Variants in CRTC1 observed in about 807,000 individuals in gnomAD.
CRTC1 encodes the protein CREB regulated transcription coactivator 1.
CRTC1 carries 18 observed loss-of-function variants against 66.1 expected under a neutral mutation model. The observed-to-expected ratio is 0.27, with a 90% confidence interval of 0.19 to 0.40. CRTC1 has a LOEUF of 0.40. CRTC1 is among the 10% of genes least tolerant of loss of function. The pLI is 1.00. For missense variants in CRTC1, 669 were observed against 887.9 expected, an observed-to-expected ratio of 0.75 and a Z score of 3.13; for synonymous variants, 416 against 398.8, an observed-to-expected ratio of 1.04 and a Z score of -0.51.
At chr19:18,715,381 C>G (rs2053484082) in intron 1 of CRTC1, among the ~76,000 whole-genome samples, 1 of 152,218 alleles carries the variant, frequency 6.6e-6, no homozygotes. Flanking sequence ...GTGCACGACA[C>G]CACGCCTGGC....
chr19:18,765,222 G>A (rs547739438), intron 8 of CRTC1, among the ~76,000 whole-genome samples, 182 bp from the exon 9 acceptor site: 1 of 152,356 alleles, frequency 6.6e-6, no homozygotes, highest in Admixed American at 6.5e-5. Context: ...AGGACTGTGG[G>A]ACCCTCGGGT....
chr19:18,768,485 G>A lies in CRTC1; in HGVS notation c.1012G>A (p.Ala338Thr). Residue 338 changes from alanine to threonine, a missense_variant and splice_region_variant, in exon 10 of 14, where the codon GCT becomes ACT. This residue lies in a region of CRTC1 where 241 missense variants were observed against 242.2 expected (regional missense o/e 0.99). Transcript: ENST00000321949. This position sits in a 1 kb window ranked among gnomAD's most constrained non-coding sequence, Gnocchi z 5.6. ...TLSPLSPITQAVAMDALSLEQ... is the reference protein window; with the variant it reads ...TLSPLSPITQTVAMDALSLEQ... ...TGCCTGACGCTCTCCTCTCCTGCAG[G>A]CTGTAGCCATGGACGCCCTGTCTCT... 6.2e-7 allele frequency: 1 copy of A among 1,608,582 alleles called. No homozygotes were observed. Among genetic ancestry groups the A allele is most frequent in the Non-Finnish European group, 8.5e-7 (1 of 1,179,118 alleles).
At chr19:18,683,885 G>C (rs1293178121) in intron 1 of CRTC1, 57 bp downstream of exon 1, 2 of 894,020 alleles carry the variant, frequency 2.2e-6, no homozygotes, top group African/African-American at 1.9e-5. Context: ...GAGGGGGCGC[G>C]TGTCCGGCGC....
chr19:18,752,951 G>A (rs1038003677), intron 5 of CRTC1, among the ~76,000 whole-genome samples: 5 of 150,652 alleles, frequency 3.3e-5, no homozygotes, highest in Non-Finnish European at 5.9e-5. Flanking sequence ...TTTTTCTTAA[G>A]TCACAGATTC....
intron 6 of CRTC1, among the ~76,000 whole-genome samples, chr19:18,757,321 CCCAT>C (rs1297233439): frequency 6.6e-6 from 1 of 152,076 alleles, no homozygotes; most frequent in East Asian, 1.9e-4. Context: ...CTGCAGTGAT[CCCAT>C]GTCTTGGCTG....
At chr19:18,684,127 C>T (rs376800654) in intron 1 of CRTC1, among the ~76,000 whole-genome samples, 1 of 151,946 alleles carries the variant, frequency 6.6e-6, no homozygotes, top group Non-Finnish European at 1.5e-5. Context: ...GGTGCTAGTA[C>T]CTCGTCGTTA....
At position 18,777,462 on chromosome 19, in the gene CRTC1, C is replaced by CCAACGGCCGAGCTTGTGATTCTGAGCTTG. The variant is rs774274325; in HGVS notation, c.*84_*112dup. The CCAACGGCCGAGCTTGTGATTCTGAGCTTG allele has an allele frequency of 2.3e-6, 3 of 1,309,134 alleles. No homozygotes were observed. In the East Asian group the frequency reaches 6.9e-5, roughly 30 times the overall value. The allele number at this position is 1,309,134 out of a possible 1,614,324, so 81.1% of individuals were successfully genotyped here. A position where few individuals can be genotyped will look rare whatever the true frequency, so the allele number is the denominator to read the frequency against. ...GGGGACGGCCGTGCTCCGTCCCTCGCCAACGGCCGAGCTTGTGATTCTGAG... is the reference window on the plus strand; with the variant it reads ...GGGGACGGCCGTGCTCCGTCCCTCGCCAACGGCCGAGCTTGTGATTCTGAGCTTGCAACGGCCGAGCTTGTGATTCTGAG... On this transcript the variant is annotated 3_prime_UTR_variant, in exon 14 of 14. Coordinates refer to ENST00000321949, the MANE Select transcript of CRTC1 (RefSeq NM_015321.3). This position sits in a 1 kb window ranked among gnomAD's most constrained non-coding sequence, Gnocchi z 5.5.
chr19:18,729,208 G>A (rs1294832703), intron 1 of CRTC1, among the ~76,000 whole-genome samples: 1 of 149,282 alleles, frequency 6.7e-6, no homozygotes, highest in Admixed American at 6.6e-5. Flanking sequence ...GGCGGATCAC[G>A]AGGTCAGGAG....
chr19:18,693,541 G>GC, intron 1 of CRTC1, among the ~76,000 whole-genome samples: 1 of 149,824 alleles, frequency 6.7e-6, no homozygotes, highest in African/African-American at 2.5e-5. Flanking sequence ...GAGTGCAGCG[G>GC]TGTGATCTCA....
At chr19:18,737,401 C>G (rs1414468600) in intron 1 of CRTC1, among the ~76,000 whole-genome samples, 1 of 152,096 alleles carries the variant, frequency 6.6e-6, no homozygotes, top group Non-Finnish European at 1.5e-5. Flanking sequence ...AAGCTCTCAT[C>G]TGAGATCGGG....
In CRTC1 at chr19:18,780,499, A is replaced by G. The variant is rs1025733499; in HGVS notation, c.*3117A>G. The G allele has an allele frequency of 8.7e-6, 2 of 230,794 alleles. No homozygotes were observed. The highest frequency in any genetic ancestry group is 4.4e-5 in the African/African-American group (2 of 45,132). The allele number at this position is 230,794 out of a possible 1,614,324, so 14.3% of individuals were successfully genotyped here. ...CTCTGGGGAGGAGAGTGTTGGCATC[A>G]GTGTGTTTGGCCTGATTTCTTCAGG... On this transcript the variant is annotated 3_prime_UTR_variant, in exon 14 of 14. Coordinates refer to ENST00000321949, the MANE Select transcript of CRTC1 (RefSeq NM_015321.3).
intron 1 of CRTC1, among the ~76,000 whole-genome samples, chr19:18,723,742 T>C (rs1248375005): frequency 1.3e-5 from 2 of 152,310 alleles, no homozygotes; most frequent in East Asian, 1.9e-4. Flanking sequence ...TGTGTTTCGA[T>C]GTGGTCAGAT....
At chr19:18,687,934 C>G (rs536200656) in intron 1 of CRTC1, among the ~76,000 whole-genome samples, 1 of 152,052 alleles carries the variant, frequency 6.6e-6, no homozygotes, top group African/African-American at 2.4e-5. Flanking sequence ...CTGTCTATGG[C>G]GCTCTGCTGT....
intron 4 of CRTC1, among the ~76,000 whole-genome samples, chr19:18,747,969 C>T (rs1016415092): frequency 3.9e-5 from 6 of 152,024 alleles, no homozygotes; most frequent in Middle Eastern, 3.2e-3. Context: ...CCCAGCTACT[C>T]GGGAGGCTGA....
intron 1 of CRTC1, among the ~76,000 whole-genome samples, chr19:18,738,802 AAACAACAAC>A (rs148273210): frequency 3.3e-5 from 5 of 152,134 alleles, no homozygotes; most frequent in Admixed American, 1.3e-4. Flanking sequence ...CTCCGTCTCA[AAACAACAAC>A]AACAACAACA....
chr19:18,771,427 T>C lies in CRTC1; in HGVS notation c.1321-15T>C. 1 of 1,607,556 alleles carries C rather than the reference T, an allele frequency of 6.2e-7. No homozygotes were observed. The highest frequency in any genetic ancestry group is 8.5e-7 in the Non-Finnish European group (1 of 1,176,840). On this transcript the variant is annotated splice_polypyrimidine_tract_variant and intron_variant, in intron 10 of 13. Coordinates refer to ENST00000321949, the MANE Select transcript of CRTC1 (RefSeq NM_015321.3). This position sits in a 1 kb window ranked among gnomAD's most constrained non-coding sequence, Gnocchi z 4.6. ...GCAGCTGGGCTGCGGCGTGCTGATC[T>C]GTCTGTCATCGCAGGCGCCGGCTCT...
chr19:18,703,546 T>C (rs2053196301), intron 1 of CRTC1, among the ~76,000 whole-genome samples: 1 of 152,088 alleles, frequency 6.6e-6, no homozygotes, highest in African/African-American at 2.4e-5. Context: ...GCAAGCAACC[T>C]CCACCTCCCA....
At position 18,763,799 on chromosome 19, in the gene CRTC1, T is replaced by C. The variant is rs542840544; in HGVS notation, c.887-1605T>C. Among the ~76,000 whole-genome samples the C allele has an allele frequency of 3.3e-5, 5 of 152,262 alleles. No individual in the cohort carries two copies. In the South Asian group the frequency reaches 1.0e-3, roughly 32 times the overall value. On this transcript the variant is annotated intron_variant, in intron 8 of 13. Transcript: ENST00000321949. ...ACACGCTCCTGACGTTTGCCCCTAC[T>C]TTGTACCGAGCCCGACCTCTGCTTC...
intron 5 of CRTC1, 144 bp downstream of exon 5, chr19:18,750,019 C>T (rs559564813): frequency 4.3e-6 from 3 of 692,052 alleles, no homozygotes; most frequent in African/African-American, 1.8e-5. Flanking sequence ...GGGAGGGGAT[C>T]GGAAACTTTC....
Sources: allele counts gnomAD v4.1 joint callset (sites outside exome capture counted in the v4.1 genomes callset), GRCh38; gene constraint gnomAD v4.1.1; regional missense constraint gnomAD v4.1.1; non-coding constraint Gnocchi (gnomAD v3.1); transcripts MANE v1.5; gene names NCBI Gene and HGNC (gene_info 2026-07-23, HGNC 2026-07-21).